Variants in KHSRP observed in about 807,000 individuals in gnomAD.
KHSRP encodes KH-type splicing regulatory protein.
In KHSRP, 13 loss-of-function variants were observed where a neutral mutation model predicts 94.9. That is an observed-to-expected ratio of 0.14 (90% CI 0.09 to 0.22). The LOEUF (loss-of-function observed/expected upper bound fraction) is 0.22, where lower values mean the gene tolerates loss of function less well. Among genes scored for constraint, KHSRP ranks in the 10% least tolerant of loss-of-function variants. The pLI, the probability that KHSRP is intolerant of heterozygous loss-of-function variation, is 1.00. For missense variants in KHSRP, 710 were observed against 1,010.0 expected (o/e 0.70, Z 4.03); for synonymous variants, 495 against 401.4 (o/e 1.23, Z -2.79).
At chr19:6,419,627 C>CGAA (rs2092182783) in intron 6 of KHSRP, among the ~76,000 whole-genome samples, 1 of 152,212 alleles carries the variant, frequency 6.6e-6, no homozygotes, top group African/African-American at 2.4e-5. Context: ...TTCTGTAGCT[C>CGAA]AGGACTCTGA....
rs551871526 is a variant in KHSRP at position 6,413,144 on chromosome 19, AG to A, written c.*1879del. ...GCACTTTATTTAACAAAAAAAAAAA[AG>A]GGGGGGGGGCACGGTTAGGAAAGCA... On this transcript the variant is annotated 3_prime_UTR_variant, in exon 19 of 19. Transcript: ENST00000600480. 3.4e-5 allele frequency among the ~76,000 whole-genome samples: 4 copies of A among 117,208 alleles called. No homozygotes were observed. Among genetic ancestry groups the A allele is most frequent in the Non-Finnish European group, 5.0e-5 (3 of 59,744 alleles). The allele number at this position is 117,208 out of a possible 152,430, so 76.9% of individuals were successfully genotyped here.
At position 6,418,602 on chromosome 19, in the gene KHSRP, G is replaced by A. The variant is rs749709072; in HGVS notation, c.781-21C>T. 1.2e-4 allele frequency: 188 copies of A among 1,612,872 alleles called. 1 individual carries two copies. In the Admixed American group the frequency reaches 2.7e-3, roughly 23 times the overall value. ...CGTTCCTTTACAAGCAAGGTTAACC[G>A]TTAGTGCTGGGCTCTCCCAGGACTT... On this transcript the variant is annotated intron_variant, in intron 8 of 18. Transcript: ENST00000600480. This position sits in a 1 kb window ranked among gnomAD's most constrained non-coding sequence, Gnocchi z 4.3.
In KHSRP at chr19:6,418,997, G is replaced by A. The variant is rs1326565178; in HGVS notation, c.606-121C>T. On this transcript the variant is annotated intron_variant, in intron 7 of 18. Transcript: ENST00000600480. The surrounding 1 kb of genome is among the most constrained non-coding windows in gnomAD (Gnocchi z 4.3). ...AGTGTGCAAGGATGACAGGGAAGAG[G>A]GGCCAGTCACAGGGGCTGTTCAGGC... The A allele has an allele frequency of 2.5e-6, 3 of 1,205,854 alleles. No homozygotes were observed. In the African/African-American group the frequency reaches 4.6e-5, roughly 19 times the overall value. 74.7% of individuals were successfully genotyped at this position (1,205,854 alleles called of 1,614,324 possible). A position where few individuals can be genotyped will look rare whatever the true frequency, so the allele number is the denominator to read the frequency against.
chr19:6,419,912 C>G (rs1179478845), intron 6 of KHSRP, among the ~76,000 whole-genome samples, 161 bp downstream of exon 6: 1 of 152,242 alleles, frequency 6.6e-6, no homozygotes, highest in African/African-American at 2.4e-5. Context: ...GTGGGCAGTA[C>G]TAGTGGAGTG....
rs1232254048 is a variant in KHSRP at position 6,413,916 on chromosome 19, G to A, written c.*1108C>T. On this transcript the variant is annotated 3_prime_UTR_variant, in exon 19 of 19. Coordinates refer to ENST00000600480, the MANE Select transcript of KHSRP (RefSeq NM_001366299.1). ...ATCCCAATTTTGAAAGAAAAAGCAT[G>A]TGAGACACAGAACAGGCGAGAGAGT... 4 of 517,746 alleles carry A rather than the reference G, an allele frequency of 7.7e-6. No individual in the cohort carries two copies. The highest frequency in any genetic ancestry group is 1.2e-5 in the Non-Finnish European group (4 of 325,224). The allele number at this position is 517,746 out of a possible 1,614,324, so 32.1% of individuals were successfully genotyped here. A position where few individuals can be genotyped will look rare whatever the true frequency, so the allele number is the denominator to read the frequency against.
chr19:6,421,291 G>A lies in KHSRP; in HGVS notation c.412C>T (p.His138Tyr). The A allele has an allele frequency of 6.3e-7, 1 of 1,590,732 alleles. No homozygotes were observed. Among genetic ancestry groups the A allele is most frequent in the Non-Finnish European group, 8.6e-7 (1 of 1,168,868 alleles). The change falls in exon 4 of 19, where the codon CAT becomes TAT. Residue 138 changes from histidine (H) to tyrosine (Y), a missense_variant. By Grantham distance (83) the His-to-Tyr change is moderately conservative. Around this residue, in one of 5 missense-constraint regions of KHSRP, gnomAD observed 288 missense variants for 501.1 expected, o/e 0.57. Transcript: ENST00000600480. ...ACCATGGCTTACCTTGGGGGAGGAT[G>A]GATGGGTCCAAGTTGAGAACTGATT... Reference protein sequence around the residue: ...DSISSQLGPIHPPPRTSMTEE... With the variant: ...DSISSQLGPIYPPPRTSMTEE...
intron 11 of KHSRP, among the ~76,000 whole-genome samples, chr19:6,417,508 G>A (rs1290203468): frequency 1.3e-5 from 2 of 152,214 alleles, no homozygotes; most frequent in African/African-American, 2.4e-5. Flanking sequence ...GTAGGGGGAG[G>A]AAGAGGAGAT....
intron 2 of KHSRP, 59 bp downstream of exon 2, chr19:6,422,281 A>G: frequency 4.3e-6 from 5 of 1,173,738 alleles, no homozygotes; most frequent in Non-Finnish European, 6.4e-6. Context: ...CTCAAACAAA[A>G]GCACCTCTTT....
In KHSRP at chr19:6,415,071, A is replaced by C; in HGVS notation, c.2197T>G (p.Leu733Val). 1.3e-6 allele frequency: 2 copies of C among 1,585,442 alleles called. No individual in the cohort carries two copies. The highest frequency in any genetic ancestry group is 1.7e-6 in the Non-Finnish European group (2 of 1,173,830). Reference protein sequence around the residue: ...FQPPATVHPALVGSAGNPFPC... With the variant: ...FQPPATVHPAVVGSAGNPFPC... ...AAGGGGTTTCCGGCGCTACCCACTA[A>C]GGCAGGATGGACGGTGGCCGGGGGT... Residue 733 changes from leucine to valine, a missense_variant, in exon 19 of 19, where the codon TTA becomes GTA. Physicochemically the swap from Leu to Val is conservative, Grantham distance 32. This residue lies in a region of KHSRP where 292 missense variants were observed against 340.5 expected (regional missense o/e 0.86). Coordinates refer to ENST00000600480, the MANE Select transcript of KHSRP (RefSeq NM_001366299.1).
At chr19:6,421,476 G>C (rs1367057189) in intron 3 of KHSRP, 159 bp from the exon 4 acceptor site, 1 of 986,280 alleles carries the variant, frequency 1.0e-6, no homozygotes, top group Non-Finnish European at 1.5e-6. Context: ...AAAGCACAGA[G>C]CTCATCTCCC....
chr19:6,416,420 A>C lies in KHSRP; in HGVS notation c.1489-13T>G, dbSNP rs1372911587. 1 of 1,613,112 alleles carries C rather than the reference A, an allele frequency of 6.2e-7. No individual in the cohort carries two copies. Among genetic ancestry groups the C allele is most frequent in the Non-Finnish European group, 8.5e-7 (1 of 1,179,496 alleles). On this transcript the variant is annotated splice_polypyrimidine_tract_variant and intron_variant, in intron 14 of 18. Coordinates refer to ENST00000600480, the MANE Select transcript of KHSRP (RefSeq NM_001366299.1). ...GGCAGAGAGGACCCTAGAAGGAAGG[A>C]GAGTAACCAAGGTAAGTGGGCTGGG...
In KHSRP at chr19:6,418,378, C is replaced by T. The variant is rs1474197509; in HGVS notation, c.879+105G>A. 5 of 817,712 alleles carry T rather than the reference C, an allele frequency of 6.1e-6. No homozygotes were observed. 50.7% of individuals were successfully genotyped at this position (817,712 alleles called of 1,614,324 possible). A position where few individuals can be genotyped will look rare whatever the true frequency, so the allele number is the denominator to read the frequency against. On this transcript the variant is annotated intron_variant, in intron 9 of 18. Transcript: ENST00000600480. The surrounding 1 kb of genome is among the most constrained non-coding windows in gnomAD (Gnocchi z 4.3). ...GCAAGCCTCTTGGTGTTATGACCGA[C>T]TGTTCACATATCTCTCTGGCGGAAT...
chr19:6,414,229 C>T lies in KHSRP; in HGVS notation c.*795G>A, dbSNP rs761786190. ...AACACCGTGGGGGGGGCCAGGAAGC[C>T]CCCTCCCAAACCTGCGCTGGCTCAG... On this transcript the variant is annotated 3_prime_UTR_variant, in exon 19 of 19. Coordinates refer to ENST00000600480, the MANE Select transcript of KHSRP (RefSeq NM_001366299.1). 38 of 1,520,212 alleles carry T rather than the reference C, an allele frequency of 2.5e-5. No individual in the cohort carries two copies. Among genetic ancestry groups the T allele is most frequent in the Non-Finnish European group, 3.3e-5 (37 of 1,134,030 alleles). The allele number at this position is 1,520,212 out of a possible 1,614,324, so 94.2% of individuals were successfully genotyped here.
At chr19:6,424,382 ACGTGACCCCCGCCCCCTCCCCCGCCTGCG>A in intron 1 of KHSRP, 42 bp downstream of exon 1, 1 of 738,170 alleles carries the variant, frequency 1.4e-6, no homozygotes, top group Non-Finnish European at 1.6e-6. Context: ...GCGCGCGCGC[ACGTGACCCCCGCCCCCTCCCCCGCCTGCG>A]CGCGCGCGCG....
chr19:6,415,937 G>A, intron 15 of KHSRP, 41 bp from the exon 16 acceptor site: 2 of 1,288,700 alleles, frequency 1.6e-6, no homozygotes, highest in East Asian at 2.6e-5. Context: ...AGTGGTGCGG[G>A]GGTGGCCGCA....
At chr19:6,423,865 C>G (rs530610637) in intron 1 of KHSRP, among the ~76,000 whole-genome samples, 1 of 152,188 alleles carries the variant, frequency 6.6e-6, no homozygotes. Context: ...TCCCTTCTTT[C>G]CCCCAAAGAG....
At chr19:6,420,390 G>A (rs763144243) in intron 5 of KHSRP, 32 bp downstream of exon 5, 4 of 1,607,104 alleles carry the variant, frequency 2.5e-6, no homozygotes, top group African/African-American at 2.7e-5. Flanking sequence ...GGGGAAGAGT[G>A]GGCCTCCCCA....
chr19:6,424,584 G>T lies in KHSRP; in HGVS notation c.118C>A (p.Arg40=). Residue 40 remains arginine (R), a synonymous_variant, in exon 1 of 19, where the codon CGG becomes AGG. Coordinates refer to ENST00000600480, the MANE Select transcript of KHSRP (RefSeq NM_001366299.1). ...CCGCCGCCGGGACCGCCGCCGCCCC[G>T]GTCCCCCGCGCCTGGCGGGCCCGGC... ...PPPGPPGAGD[R]GGGGPGGGGP... 1 of 930,744 alleles carries T rather than the reference G, an allele frequency of 1.1e-6. No individual in the cohort carries two copies. Among genetic ancestry groups the T allele is most frequent in the Non-Finnish European group, 1.3e-6 (1 of 789,494 alleles). 57.7% of individuals were successfully genotyped at this position (930,744 alleles called of 1,614,324 possible). A position where few individuals can be genotyped will look rare whatever the true frequency, so the allele number is the denominator to read the frequency against.
chr19:6,417,468 CA>C (rs2092157410), intron 11 of KHSRP, among the ~76,000 whole-genome samples: 1 of 152,204 alleles, frequency 6.6e-6, no homozygotes, highest in Non-Finnish European at 1.5e-5. Context: ...GCGGGGCACC[CA>C]GGGCTGTCCT....
Sources: gnomAD v4.1 joint callset for allele counts (sites outside exome capture counted in the v4.1 genomes callset) on GRCh38, gnomAD v4.1.1 for gene constraint, gnomAD v4.1.1 regional missense constraint, Gnocchi (gnomAD v3.1) non-coding constraint, MANE v1.5 for transcripts, NCBI Gene and HGNC (gene_info 2026-07-23, HGNC 2026-07-21) for gene names.